NLGN4Y: variants seen among roughly 807,000 people sequenced by gnomAD.
NLGN4Y encodes the protein neuroligin-4, Y-linked.
Under a neutral mutation model 8.4 loss-of-function variants are expected in NLGN4Y, and 4 were observed. That is an observed-to-expected ratio of 0.48 (90% CI 0.23 to 1.09). NLGN4Y has a LOEUF of 1.09. NLGN4Y is among the 50% of genes least tolerant of loss of function. NLGN4Y has a pLI of 0.19. For missense variants in NLGN4Y, 90 were observed against 192.3 expected, an observed-to-expected ratio of 0.47 and a Z score of 3.15; for synonymous variants, 35 against 75.6, an observed-to-expected ratio of 0.46 and a Z score of 2.78.
At chrY:14,686,345 TTTTC>T (rs2080791450) in intron 2 of NLGN4Y, among the ~76,000 whole-genome samples, 1 of 33,084 alleles carries the variant, frequency 3.0e-5, no homozygotes, top group South Asian at 6.8e-4. Context: ...TTGAAAGCTC[TTTTC>T]TTTCATCCTT....
chrY:14,817,956 G>A lies in NLGN4Y; in HGVS notation c.686-6232G>A, dbSNP rs778695956. On this transcript the variant is annotated intron_variant, in intron 4 of 6. Transcript: ENST00000684976. ...TTGCACTAGTCTCCACTAACAATTC[G>A]GTTTTTGTACTCCTAGAATTGGAGT... is the stretch of plus-strand genomic sequence containing the variant. Among the ~76,000 whole-genome samples the A allele has an allele frequency of 9.3e-4, 30 of 32,394 alleles. No individual in the cohort carries two copies. In the East Asian group the frequency reaches 0.024, roughly 26 times the overall value. 86.9% of individuals were successfully genotyped at this position (32,394 alleles called of 37,273 possible).
intron 2 of NLGN4Y, among the ~76,000 whole-genome samples, chrY:14,682,342 C>A: frequency 3.0e-5 from 1 of 33,193 alleles, no homozygotes; most frequent in Non-Finnish European, 7.5e-5. Context: ...TACAAGAAAC[C>A]AAGCTTTGTT....
At chrY:14,676,179 T>C in intron 2 of NLGN4Y, among the ~76,000 whole-genome samples, 1 of 33,232 alleles carries the variant, frequency 3.0e-5, no homozygotes, top group East Asian at 8.2e-4. Context: ...CTGTGTCCAA[T>C]GGCCAGTCAG....
At chrY:14,757,538 T>C in intron 4 of NLGN4Y, among the ~76,000 whole-genome samples, 1 of 33,173 alleles carries the variant, frequency 3.0e-5, no homozygotes, top group Non-Finnish European at 7.4e-5. Context: ...ATTATGCATA[T>C]ATTCAGCATT....
chrY:14,712,748 T>C (rs1050126401), intron 2 of NLGN4Y, among the ~76,000 whole-genome samples: 5 of 33,681 alleles, frequency 1.5e-4, no homozygotes, highest in Admixed American at 1.4e-3. Context: ...TTTACCTCTT[T>C]TAGCCAGGAC....
chrY:14,643,169 A>AGACC (rs2080596952), intron 2 of NLGN4Y, among the ~76,000 whole-genome samples: 1 of 33,522 alleles, frequency 3.0e-5, no homozygotes, highest in Non-Finnish European at 7.3e-5. Flanking sequence ...GGTTGGGAAG[A>AGACC]GACCGGGTGG....
chrY:14,653,116 A>G, intron 2 of NLGN4Y, among the ~76,000 whole-genome samples: 3 of 33,068 alleles, frequency 9.1e-5, no homozygotes, highest in Non-Finnish European at 2.2e-4. Context: ...TCTACCTTTC[A>G]AAAAGATACA....
intron 1 of NLGN4Y, among the ~76,000 whole-genome samples, chrY:14,615,100 C>T: frequency 6.0e-5 from 2 of 33,155 alleles, no homozygotes; most frequent in Non-Finnish European, 1.5e-4. Flanking sequence ...TGTCTTTGTC[C>T]TCTTTTATTT....
chrY:14,594,241 A>T (rs2080386130), intron 1 of NLGN4Y, among the ~76,000 whole-genome samples: 1 of 33,375 alleles, frequency 3.0e-5, no homozygotes, highest in Non-Finnish European at 7.4e-5. Context: ...CTTCTGTTGG[A>T]TCATCTGGTT....
chrY:14,686,217 C>G, intron 2 of NLGN4Y, among the ~76,000 whole-genome samples: 1 of 32,988 alleles, frequency 3.0e-5, no homozygotes, highest in Non-Finnish European at 7.5e-5. Flanking sequence ...TCTTGTTATT[C>G]TGCATGTTTA....
At chrY:14,726,853 G>A in intron 4 of NLGN4Y, among the ~76,000 whole-genome samples, 1 of 33,459 alleles carries the variant, frequency 3.0e-5, no homozygotes, top group South Asian at 6.8e-4. Flanking sequence ...GGAAAGCTAA[G>A]GCAGGAGGAC....
chrY:14,758,003 G>C, intron 4 of NLGN4Y, among the ~76,000 whole-genome samples: 1 of 34,103 alleles, frequency 2.9e-5, no homozygotes, highest in Admixed American at 2.6e-4. Context: ...TTCTCATTTT[G>C]TTTATTTCTC....
chrY:14,656,657 A>C, intron 2 of NLGN4Y, among the ~76,000 whole-genome samples: 4 of 30,112 alleles, frequency 1.3e-4, no homozygotes, highest in African/African-American at 5.2e-4. Flanking sequence ...AAATAGATCT[A>C]ATTTTTCAGA....
chrY:14,575,865 G>A, intron 1 of NLGN4Y, among the ~76,000 whole-genome samples: 1 of 33,368 alleles, frequency 3.0e-5, no homozygotes, highest in Non-Finnish European at 7.4e-5. Flanking sequence ...TCCAGACCCT[G>A]TTTGCCTGAG....
chrY:14,754,532 G>A (rs2081051468), intron 4 of NLGN4Y, among the ~76,000 whole-genome samples: 1 of 32,754 alleles, frequency 3.1e-5, no homozygotes, highest in East Asian at 8.1e-4. Flanking sequence ...ACTAATTTTT[G>A]GTTTTCCTCT....
chrY:14,636,461 A>G, intron 2 of NLGN4Y, among the ~76,000 whole-genome samples: 1 of 33,586 alleles, frequency 3.0e-5, no homozygotes, highest in Non-Finnish European at 7.4e-5. Flanking sequence ...TATAATTTGC[A>G]TGTTTCTAAA....
At chrY:14,825,659 C>T in intron 5 of NLGN4Y, among the ~76,000 whole-genome samples, 4 of 32,027 alleles carry the variant, frequency 1.2e-4, no homozygotes, top group African/African-American at 4.9e-4. Context: ...TCCTTTATCT[C>T]TCTCTCTCTA....
intron 2 of NLGN4Y, among the ~76,000 whole-genome samples, chrY:14,631,075 T>A (rs1001459723): frequency 1.5e-4 from 5 of 32,440 alleles, no homozygotes; most frequent in Non-Finnish European, 1.5e-4. Context: ...ATATATATAT[T>A]TTTTTTTCAA....
At chrY:14,802,121 A>C in intron 4 of NLGN4Y, among the ~76,000 whole-genome samples, 1 of 32,828 alleles carries the variant, frequency 3.0e-5, no homozygotes, top group African/African-American at 1.2e-4. Context: ...TGGAGAGATC[A>C]CCCTCGCTTA....
Sources: allele counts gnomAD v4.1 joint callset (sites outside exome capture counted in the v4.1 genomes callset), GRCh38; gene constraint gnomAD v4.1.1; transcripts MANE v1.5; gene names NCBI Gene and HGNC (gene_info 2026-07-23, HGNC 2026-07-21).